Variants in ADD3 observed in about 807,000 individuals in gnomAD.
The protein encoded by ADD3 is adducin 3.
ADD3 carries 25 observed loss-of-function variants against 80.2 expected under a neutral mutation model. That is an observed-to-expected ratio of 0.31 (90% confidence interval 0.23 to 0.44). The LOEUF is 0.44. Among genes scored for constraint, ADD3 ranks in the 20% least tolerant of loss-of-function variants. ADD3 has a pLI of 1.00. For missense variants in ADD3, 829 were observed against 847.5 expected (o/e 0.98, Z 0.27); for synonymous variants, 284 against 289.6 (o/e 0.98, Z 0.20).
At chr10:110,067,707 A>G (rs1162368563) in intron 1 of ADD3, among the ~76,000 whole-genome samples, 1 of 152,226 alleles carries the variant, frequency 6.6e-6, no homozygotes, top group East Asian at 1.9e-4. Flanking sequence ...GAAGGATGGC[A>G]TGGTCCACAA....
intron 1 of ADD3, among the ~76,000 whole-genome samples, chr10:110,022,449 G>A (rs529243892): frequency 2.0e-5 from 3 of 151,762 alleles, no homozygotes; most frequent in Non-Finnish European, 2.9e-5. Context: ...ACCACTTATC[G>A]TAAAGTTATT....
intron 1 of ADD3, among the ~76,000 whole-genome samples, chr10:110,036,525 G>A (rs951389649): frequency 2.6e-5 from 4 of 151,714 alleles, no homozygotes; most frequent in Non-Finnish European, 5.9e-5. Flanking sequence ...GACTATAGGC[G>A]CCTGCCACCA....
chr10:110,128,823 T>G (rs534561031), intron 12 of ADD3, among the ~76,000 whole-genome samples: 4 of 152,334 alleles, frequency 2.6e-5, no homozygotes, highest in Non-Finnish European at 5.9e-5. Flanking sequence ...AATTTTAAAT[T>G]TTCTTCATTT....
At chr10:110,097,046 G>A (rs1443335446) in intron 1 of ADD3, among the ~76,000 whole-genome samples, 1 of 152,160 alleles carries the variant, frequency 6.6e-6, no homozygotes, top group Non-Finnish European at 1.5e-5. Context: ...AACACTTTGG[G>A]TTAATTTGAT....
At chr10:110,095,421 T>C (rs1002740845) in intron 1 of ADD3, among the ~76,000 whole-genome samples, 5 of 152,228 alleles carry the variant, frequency 3.3e-5, no homozygotes, top group African/African-American at 1.2e-4. Context: ...TCTACCTCTA[T>C]AGATTTGTCT....
chr10:110,026,196 A>G (rs906264084), intron 1 of ADD3, among the ~76,000 whole-genome samples: 1 of 152,040 alleles, frequency 6.6e-6, no homozygotes, highest in African/African-American at 2.4e-5. Context: ...TTTAAATGAG[A>G]AACAGTTCCA....
chr10:110,035,746 C>G (rs77309912), intron 1 of ADD3, among the ~76,000 whole-genome samples: 3 of 152,200 alleles, frequency 2.0e-5, no homozygotes, highest in Non-Finnish European at 4.4e-5. Flanking sequence ...AATTTGCATT[C>G]TCACACGTTA....
chr10:110,076,642 A>G (rs1422406539), intron 1 of ADD3, among the ~76,000 whole-genome samples: 1 of 152,216 alleles, frequency 6.6e-6, no homozygotes, highest in Non-Finnish European at 1.5e-5. Flanking sequence ...TAGAATGAGC[A>G]ATGCTTCTGA....
At chr10:110,042,346 G>A (rs533614148) in intron 1 of ADD3, among the ~76,000 whole-genome samples, 1 of 152,278 alleles carries the variant, frequency 6.6e-6, no homozygotes, top group Non-Finnish European at 1.5e-5. Context: ...GTGGTAGTAA[G>A]GCAGCCAGGA....
rs909642840 is a variant in ADD3, at chr10:110,115,639, T to A, written c.335-620T>A. The stretch of plus-strand genomic sequence containing the variant: ...GCATGTAGACAAGGAATAAGAGATC[T>A]AGGATAGTATCACATGGGCCTCGAG... On this transcript the variant is annotated intron_variant, in intron 3 of 14. Coordinates refer to ENST00000356080, the MANE Select transcript of ADD3 (RefSeq NM_016824.5). Among the ~76,000 whole-genome samples, 6 of 152,286 alleles carry A rather than the reference T, an allele frequency of 3.9e-5. No homozygotes were observed. The East Asian group carries it at 5.8e-4, about 15-fold the overall frequency.
intron 11 of ADD3, among the ~76,000 whole-genome samples, 191 bp downstream of exon 11, chr10:110,126,136 G>C (rs1852113957): frequency 6.6e-6 from 1 of 152,150 alleles, no homozygotes; most frequent in Non-Finnish European, 1.5e-5. Flanking sequence ...CAGGCTACAT[G>C]GGGAAGATGT....
At chr10:110,099,662 AT>A (rs1291612387) in intron 1 of ADD3, among the ~76,000 whole-genome samples, 2 of 152,176 alleles carry the variant, frequency 1.3e-5, no homozygotes, top group African/African-American at 4.8e-5. Flanking sequence ...TGTTTCATCT[AT>A]TTGTGTCTTG....
In ADD3 at chr10:110,134,061, C is replaced by T. The variant is rs1355164485; in HGVS notation, c.*443C>T. 6.5e-6 allele frequency: 1 copy of T among 152,674 alleles called. No homozygotes were observed. The highest frequency in any genetic ancestry group is 2.4e-5 in the African/African-American group (1 of 41,404). The allele number at this position is 152,674 out of a possible 1,614,324, so 9.5% of individuals were successfully genotyped here. ...GTCCCATTGTTTCAGTGGGCATTAA[C>T]AGAATGCTTTAAAAACTTCTAAGAC... On this transcript the variant is annotated 3_prime_UTR_variant, in exon 15 of 15. Coordinates refer to ENST00000356080, the MANE Select transcript of ADD3 (RefSeq NM_016824.5).
upstream of ADD3, among the ~76,000 whole-genome samples, chr10:110,002,043 A>G (rs1032590753): frequency 1.3e-5 from 2 of 152,168 alleles, no homozygotes; most frequent in African/African-American, 4.8e-5. Context: ...CTGTAATCCC[A>G]GCACTTTGGG....
intron 1 of ADD3, among the ~76,000 whole-genome samples, chr10:110,016,787 TC>T (rs1853052871): frequency 6.6e-6 from 1 of 152,226 alleles, no homozygotes; most frequent in African/African-American, 2.4e-5. Context: ...GTTTGTTTTT[TC>T]TTTCCCTATT....
In ADD3 at chr10:110,122,283, G is replaced by A; in HGVS notation, c.1134G>A (p.Leu378=). The change falls in exon 9 of 15, where the codon CTG becomes CTA. Residue 378 remains leucine, a synonymous_variant. Transcript: ENST00000356080. ...AGTTTGAAGGGCTTATGAGGACTCT[G>A]GACAACTTGGTAGGTTGCAAAATTG... ...EIEFEGLMRT[L]DNLGYRTGYA... The A allele has an allele frequency of 6.2e-7, 1 of 1,613,398 alleles. No individual in the cohort carries two copies. Among genetic ancestry groups the A allele is most frequent in the Non-Finnish European group, 8.5e-7 (1 of 1,179,716 alleles).
rs1323161737 is a variant in ADD3 at position 110,022,882 on chromosome 10, T to C, written c.-30+14583T>C. On this transcript the variant is annotated intron_variant, in intron 1 of 14. Coordinates refer to ENST00000356080, the MANE Select transcript of ADD3 (RefSeq NM_016824.5). ...TGAATTATAGGCCATAATACTAGAATATGCAAAGCCACGTAAGTCTGTGGG... is the reference window on the plus strand; with the variant it reads ...TGAATTATAGGCCATAATACTAGAACATGCAAAGCCACGTAAGTCTGTGGG... Among the ~76,000 whole-genome samples the C allele has an allele frequency of 1.3e-5, 2 of 152,050 alleles. 1 individual carries two copies. The highest frequency in any genetic ancestry group is 2.9e-5 in the Non-Finnish European group (2 of 67,998).
At chr10:110,081,185 T>A (rs1846012583) in intron 1 of ADD3, among the ~76,000 whole-genome samples, 1 of 152,232 alleles carries the variant, frequency 6.6e-6, no homozygotes, top group Admixed American at 6.5e-5. Flanking sequence ...TTTTCTATAA[T>A]CTGAGATATT....
intron 1 of ADD3, among the ~76,000 whole-genome samples, chr10:110,066,884 T>C (rs367896981): frequency 6.6e-6 from 1 of 152,186 alleles, no homozygotes; most frequent in African/African-American, 2.4e-5. Flanking sequence ...ATAATGACAT[T>C]ATGTTGAGAG....
Sources: gnomAD v4.1 joint callset for allele counts (sites outside exome capture counted in the v4.1 genomes callset) on GRCh38, gnomAD v4.1.1 for gene constraint, MANE v1.5 for transcripts, NCBI Gene and HGNC (gene_info 2026-07-23, HGNC 2026-07-21) for gene names.